Variants in CCDC122 observed in about 807,000 individuals in gnomAD.
CCDC122 encodes the protein coiled-coil domain containing 122, also known as coiled-coil domain-containing protein 122.
Under a neutral mutation model 37.0 loss-of-function variants are expected in CCDC122, and 38 were observed. That is an observed-to-expected ratio of 1.03 (90% CI 0.79 to 1.35). The LOEUF (loss-of-function observed/expected upper bound fraction) is 1.35, where lower values mean the gene tolerates loss of function less well. Ranked by LOEUF, CCDC122 falls within the 40% of genes most tolerant of loss-of-function variation. The pLI, the probability that CCDC122 is intolerant of heterozygous loss-of-function variation, is 0.00. For missense variants in CCDC122, 305 were observed against 310.0 expected, an observed-to-expected ratio of 0.98 and a Z score of 0.12; for synonymous variants, 83 against 95.6, an observed-to-expected ratio of 0.87 and a Z score of 0.77.
chr13:43,878,215 A>G (rs1954713519), intron 1 of CCDC122: 1 of 152,178 alleles, frequency 6.6e-6, no homozygotes. Flanking sequence ...TGCTTGAGGT[A>G]TTAAGCTGGT....
At chr13:43,875,965 G>C (rs543674953) in intron 1 of CCDC122, among the ~76,000 whole-genome samples, 33 of 152,206 alleles carry the variant, frequency 2.2e-4, no homozygotes, top group Non-Finnish European at 4.3e-4. Flanking sequence ...CCTTATAAGA[G>C]AAAGGTAGAG....
intron 1 of CCDC122, chr13:43,878,263 G>C (rs1181154994): frequency 6.6e-6 from 1 of 152,168 alleles, no homozygotes; most frequent in Non-Finnish European, 1.5e-5. Flanking sequence ...GGCAAAAACC[G>C]CAATTACCTT....
chr13:43,840,214 C>G (rs116456865), intron 6 of CCDC122, among the ~76,000 whole-genome samples: 1 of 152,054 alleles, frequency 6.6e-6, no homozygotes, highest in African/African-American at 2.4e-5. Flanking sequence ...ATATTTTGTT[C>G]GCTTTAACAC....
At chr13:43,860,508 C>A (rs1030830670) in intron 4 of CCDC122, among the ~76,000 whole-genome samples, 1 of 152,052 alleles carries the variant, frequency 6.6e-6, no homozygotes, top group African/African-American at 2.4e-5. Flanking sequence ...AACTTAATTA[C>A]CCCATTCAAA....
chr13:43,843,235 A>C (rs1456380402), intron 6 of CCDC122, among the ~76,000 whole-genome samples: 1 of 151,990 alleles, frequency 6.6e-6, no homozygotes, highest in Non-Finnish European at 1.5e-5. Context: ...TATTACTCTC[A>C]GAAAATATGC....
downstream of CCDC122, among the ~76,000 whole-genome samples, chr13:43,831,555 C>G (rs907989572): frequency 5.3e-5 from 8 of 152,198 alleles, no homozygotes; most frequent in South Asian, 4.1e-4. Flanking sequence ...GATAATGTGT[C>G]TTGGCTTATT....
At chr13:43,831,966 CT>C (rs137990324), downstream of CCDC122, among the ~76,000 whole-genome samples, 24,705 of 151,888 alleles carry the variant, frequency 0.16, 2,104 homozygotes, top group Middle Eastern at 0.2. Flanking sequence ...TTGAAGCGGC[CT>C]ATTCTTAGCT....
downstream of CCDC122, among the ~76,000 whole-genome samples, chr13:43,834,858 G>A (rs57312917): frequency 2.1e-4 from 32 of 152,028 alleles, no homozygotes; most frequent in South Asian, 6.2e-4. Flanking sequence ...TTACACTGTT[G>A]GTGGGACTGT....
At chr13:43,832,785 G>A (rs1953102335), downstream of CCDC122, among the ~76,000 whole-genome samples, 1 of 152,114 alleles carries the variant, frequency 6.6e-6, no homozygotes, top group Admixed American at 6.5e-5. Flanking sequence ...CCCCTGATGA[G>A]CTGTGTGATG....
downstream of CCDC122, among the ~76,000 whole-genome samples, chr13:43,820,810 T>C (rs1952987781): frequency 6.6e-6 from 1 of 152,232 alleles, no homozygotes; most frequent in Non-Finnish European, 1.5e-5. Context: ...TGATCCACTT[T>C]ATAGTGTTGC....
chr13:43,857,828 G>A (rs1022058997), intron 6 of CCDC122, among the ~76,000 whole-genome samples: 23 of 152,250 alleles, frequency 1.5e-4, no homozygotes, highest in African/African-American at 4.3e-4. Flanking sequence ...GCTGGAACCC[G>A]GGAGGCCGAG....
intron 6 of CCDC122, among the ~76,000 whole-genome samples, chr13:43,853,044 C>T (rs1953796164): frequency 6.6e-6 from 1 of 152,034 alleles, no homozygotes; most frequent in Non-Finnish European, 1.5e-5. Flanking sequence ...CACTGAAGTA[C>T]ACAGACTAGT....
At chr13:43,867,376 G>C (rs1219168019) in intron 4 of CCDC122, among the ~76,000 whole-genome samples, 1 of 152,178 alleles carries the variant, frequency 6.6e-6, no homozygotes, top group East Asian at 1.9e-4. Context: ...AATGTCCTCT[G>C]TGAATATCCT....
At chr13:43,866,643 TA>T (rs1353820171) in intron 4 of CCDC122, among the ~76,000 whole-genome samples, 1 of 152,238 alleles carries the variant, frequency 6.6e-6, no homozygotes, top group African/African-American at 2.4e-5. Flanking sequence ...ACTGGTCTTG[TA>T]AACCTTTTGT....
chr13:43,827,328 T>C (rs570281327), intron 3 of CCDC122, among the ~76,000 whole-genome samples: 6 of 152,208 alleles, frequency 3.9e-5, no homozygotes, highest in Non-Finnish European at 8.8e-5. Flanking sequence ...AAAACTAATT[T>C]TCATGTTCTT....
At chr13:43,825,642 C>T (rs746329889) in intron 3 of CCDC122, among the ~76,000 whole-genome samples, 4 of 151,964 alleles carry the variant, frequency 2.6e-5, no homozygotes, top group African/African-American at 4.8e-5. Context: ...TGGTGGTGTG[C>T]GCTTGTAGTC....
At chr13:43,835,820 G>C (rs933883650), downstream of CCDC122, among the ~76,000 whole-genome samples, 2 of 152,088 alleles carry the variant, frequency 1.3e-5, no homozygotes, top group African/African-American at 4.8e-5. Flanking sequence ...TCAGCATTTG[G>C]TTCTGGCTTA....
intron 3 of CCDC122, among the ~76,000 whole-genome samples, chr13:43,829,865 G>A (rs1158321805): frequency 1.3e-5 from 2 of 152,054 alleles, no homozygotes; most frequent in Non-Finnish European, 2.9e-5. Context: ...TGGGGTTTCA[G>A]AATCTAGATT....
downstream of CCDC122, among the ~76,000 whole-genome samples, chr13:43,821,382 T>A (rs1245339832): frequency 6.6e-6 from 1 of 152,106 alleles, no homozygotes; most frequent in East Asian, 1.9e-4. Flanking sequence ...TGCCACAATG[T>A]CTAGGTAATT....
Sources: gnomAD v4.1 joint callset for allele counts (sites outside exome capture counted in the v4.1 genomes callset) on GRCh38, gnomAD v4.1.1 for gene constraint, MANE v1.5 for transcripts, NCBI Gene and HGNC (gene_info 2026-07-23, HGNC 2026-07-21) for gene names.